Variants in GOT2 observed in about 807,000 individuals in gnomAD.
The protein encoded by GOT2 is aspartate aminotransferase, mitochondrial.
In GOT2, 17 loss-of-function variants were observed where a neutral mutation model predicts 50.0. The ratio of observed to expected loss-of-function variants is 0.34; its 90% CI spans 0.23 to 0.51. The LOEUF is 0.51. Among genes scored for constraint, GOT2 ranks in the 20% least tolerant of loss-of-function variants. The pLI, the probability that GOT2 is intolerant of heterozygous loss-of-function variation, is 0.97. For synonymous variants in GOT2, 172 were observed against 204.9 expected (o/e 0.84, Z 1.37); for missense variants, 430 against 559.6 (o/e 0.77, Z 2.34).
chr16:58,718,354 A>C lies in GOT2; in HGVS notation c.598-54T>G, dbSNP rs574756525. On this transcript the variant is annotated intron_variant, in intron 5 of 9. Coordinates refer to ENST00000245206, the MANE Select transcript of GOT2 (RefSeq NM_002080.4). The stretch of plus-strand genomic sequence containing the variant: ...TTTGCAGCTTTAAAGGAAATGGTTT[A>C]TCTGAAATGCCACAGGATCGTCATC... 8.7e-5 allele frequency: 127 copies of C among 1,462,132 alleles called. No homozygotes were observed. The South Asian group carries it at 1.4e-3, about 16-fold the overall frequency. 90.6% of individuals were successfully genotyped at this position (1,462,132 alleles called of 1,614,324 possible).
At chr16:58,725,286 T>C (rs921513617) in intron 1 of GOT2, among the ~76,000 whole-genome samples, 1 of 152,050 alleles carries the variant, frequency 6.6e-6, no homozygotes, top group African/African-American at 2.4e-5. Flanking sequence ...AGCTAATTTT[T>C]GTGTTTTTAG....
intron 8 of GOT2, among the ~76,000 whole-genome samples, chr16:58,712,082 T>C (rs74020134): frequency 0.018 from 2,746 of 151,778 alleles, 85 homozygotes; most frequent in African/African-American, 0.063. Context: ...TTCATTTCCT[T>C]TGCAAAAAAA....
chr16:58,730,665 T>G (rs900310947), intron 1 of GOT2, among the ~76,000 whole-genome samples: 3 of 152,156 alleles, frequency 2.0e-5, no homozygotes, highest in Non-Finnish European at 4.4e-5. Flanking sequence ...GCACCTGGCC[T>G]AGAGGGAATA....
At position 58,717,734 on chromosome 16, in the gene GOT2, A is replaced by T. The variant is rs150579793; in HGVS notation, c.702+462T>A. On this transcript the variant is annotated intron_variant, in intron 6 of 9. Transcript: ENST00000245206. Reference sequence around the variant, plus strand: ...AGACAGAGTTTTGCTCTTGTTGCCCAGGCTGGAGTGCAGTGGCACAATCTC... The same window carrying T: ...AGACAGAGTTTTGCTCTTGTTGCCCTGGCTGGAGTGCAGTGGCACAATCTC... 1.3e-3 allele frequency among the ~76,000 whole-genome samples: 204 copies of T among 152,278 alleles called. 1 individual carries two copies. The East Asian group carries it at 0.032, about 24-fold the overall frequency.
At position 58,716,133 on chromosome 16, in the gene GOT2, T is replaced by G. The variant is rs142914250; in HGVS notation, c.900A>C (p.Glu300Asp). 1 of 1,613,882 alleles carries G rather than the reference T, an allele frequency of 6.2e-7. No individual in the cohort carries two copies. The highest frequency in any genetic ancestry group is 8.5e-7 in the Non-Finnish European group (1 of 1,179,982). Residue 300 changes from glutamate (E) to aspartate (D), a missense_variant, in exon 8 of 10, where the codon GAA (glutamate) becomes GAC (aspartate). By Grantham distance (45) the Glu-to-Asp change is conservative. Transcript: ENST00000245206. ...TCAACTGTGACTCTACCCTTTTGGCTTCATCCGCATCTTTGCAGACCATAG... is the reference window on the plus strand; with the variant it reads ...TCAACTGTGACTCTACCCTTTTGGCGTCATCCGCATCTTTGCAGACCATAG... ...AFTMVCKDAD[E>D]AKRVESQLKI...
chr16:58,729,498 GAAAAAAA>G lies in GOT2; in HGVS notation c.89+4635_89+4641del, dbSNP rs35946557. On this transcript the variant is annotated intron_variant, in intron 1 of 9. Transcript: ENST00000245206. ...CTACATAGAGACCCTGTCTCAGGAA[GAAAAAAA>G]AAAAAAAAGAAAAAGAAAAAGAAAA... Among the ~76,000 whole-genome samples the G allele has an allele frequency of 1.1e-4, 10 of 94,430 alleles. No individual in the cohort carries two copies. The South Asian group carries it at 2.2e-3, about 20-fold the overall frequency. The allele number at this position is 94,430 out of a possible 152,430, so 61.9% of individuals were successfully genotyped here.
In GOT2 at chr16:58,716,100, C is replaced by T; in HGVS notation, c.933G>A (p.Leu311=). ...GAGGGTTGGAATACATGGGACGGAT[C>T]AAGATCTTCAACTGTGACTCTACCC... is the stretch of plus-strand genomic sequence containing the variant. ...AKRVESQLKI[L]IRPMYSNPPL... is the part of the protein sequence containing the mutation. Residue 311 remains leucine (L), a synonymous_variant, in exon 8 of 10, where the codon TTG becomes TTA. Transcript: ENST00000245206. The T allele has an allele frequency of 6.2e-7, 1 of 1,613,934 alleles. No homozygotes were observed. Among genetic ancestry groups the T allele is most frequent in the Non-Finnish European group, 8.5e-7 (1 of 1,179,860 alleles).
Position 58,734,214 on chromosome 16 carries a change from G to T in GOT2, c.15C>A (p.His5Gln). MALL[H>Q]SGRVLPGIAA... ...CGATCCCGGGGAGGACGCGGCCGGAGTGCAGCAGGGCCATGGTGGACCGTA... is the reference window on the plus strand; with the variant it reads ...CGATCCCGGGGAGGACGCGGCCGGATTGCAGCAGGGCCATGGTGGACCGTA... Residue 5 changes from histidine (H) to glutamine (Q), a missense_variant, in exon 1 of 10, where the codon CAC becomes CAA. Coordinates refer to ENST00000245206, the MANE Select transcript of GOT2 (RefSeq NM_002080.4). The T allele has an allele frequency of 7.5e-7, 1 of 1,332,826 alleles. No individual in the cohort carries two copies. 82.6% of individuals were successfully genotyped at this position (1,332,826 alleles called of 1,614,324 possible).
At chr16:58,718,894 G>C (rs746459380) in intron 4 of GOT2, among the ~76,000 whole-genome samples, 1 of 152,180 alleles carries the variant, frequency 6.6e-6, no homozygotes, top group East Asian at 1.9e-4. Flanking sequence ...ACCTTTCTGG[G>C]TCTTGCTTTC....
chr16:58,727,677 T>C (rs571689829), intron 1 of GOT2, among the ~76,000 whole-genome samples: 2 of 152,186 alleles, frequency 1.3e-5, no homozygotes, highest in South Asian at 4.1e-4. Context: ...GCAGAGGACG[T>C]AATAGCTTGG....
chr16:58,722,048 G>A, intron 3 of GOT2, 102 bp downstream of exon 3: 1 of 1,306,322 alleles, frequency 7.7e-7, no homozygotes, highest in Non-Finnish European at 1.1e-6. Flanking sequence ...CCAAAGTGGT[G>A]GGATTACAGG....
At chr16:58,731,699 A>ATACACT (rs2044836123) in intron 1 of GOT2, among the ~76,000 whole-genome samples, 1 of 152,226 alleles carries the variant, frequency 6.6e-6, no homozygotes, top group South Asian at 2.1e-4. Context: ...TAGCTAAATG[A>ATACACT]TACACTTGAA....
At chr16:58,713,168 A>T (rs1442398000) in intron 8 of GOT2, among the ~76,000 whole-genome samples, 1 of 152,126 alleles carries the variant, frequency 6.6e-6, no homozygotes, top group Non-Finnish European at 1.5e-5. Context: ...AAAAACAAAC[A>T]AACAATGGGT....
chr16:58,732,607 A>G (rs1457947757), intron 1 of GOT2, among the ~76,000 whole-genome samples: 2 of 152,198 alleles, frequency 1.3e-5, no homozygotes, highest in Admixed American at 1.3e-4. Flanking sequence ...GTGAATATAA[A>G]GTAGGTAAAG....
chr16:58,714,066 TTTTTATTTTC>T (rs2044670633), intron 8 of GOT2, among the ~76,000 whole-genome samples: 1 of 152,076 alleles, frequency 6.6e-6, no homozygotes, highest in African/African-American at 2.4e-5. Flanking sequence ...ATTTTTTATT[TTTTTATTTTC>T]TTTTATTTTA....
chr16:58,726,700 C>T (rs2044787668), intron 1 of GOT2, among the ~76,000 whole-genome samples: 2 of 151,092 alleles, frequency 1.3e-5, no homozygotes, highest in South Asian at 4.2e-4. Flanking sequence ...CCCTGTTGGT[C>T]AGGTCTCTAC....
chr16:58,724,983 G>A (rs1597704330), intron 1 of GOT2, among the ~76,000 whole-genome samples: 2 of 152,160 alleles, frequency 1.3e-5, no homozygotes, highest in Non-Finnish European at 2.9e-5. Flanking sequence ...TGGGAATGCT[G>A]GTCAGGTATC....
intron 8 of GOT2, among the ~76,000 whole-genome samples, chr16:58,715,337 T>C (rs924564029): frequency 3.9e-5 from 6 of 152,334 alleles, no homozygotes; most frequent in Admixed American, 6.5e-5. Flanking sequence ...AACACGGAGA[T>C]GACGGAATAA....
intron 4 of GOT2, 124 bp downstream of exon 4, chr16:58,719,061 TCATGAGAATAG>T: frequency 2.9e-6 from 2 of 689,160 alleles, no homozygotes; most frequent in Admixed American, 2.5e-5. Flanking sequence ...TTTCATTTTT[TCATGAGAATAG>T]GACATCTGCA....
Sources: allele counts gnomAD v4.1 joint callset (sites outside exome capture counted in the v4.1 genomes callset), GRCh38; gene constraint gnomAD v4.1.1; transcripts MANE v1.5; gene names NCBI Gene and HGNC (gene_info 2026-07-23, HGNC 2026-07-21).